Variants in GRAMD2B observed in about 807,000 individuals in gnomAD.
GRAMD2B encodes GRAM domain-containing protein 2B.
A neutral mutation model predicts 59.2 loss-of-function variants in GRAMD2B; 41 were observed. That is an observed-to-expected ratio of 0.69 (90% confidence interval 0.54 to 0.90). GRAMD2B has a LOEUF of 0.90. GRAMD2B is among the 40% of genes least tolerant of loss of function. The probability of loss-of-function intolerance (pLI) is 0.00; values close to 1 mark genes in which losing one functional copy is unlikely to be tolerated. For synonymous variants in GRAMD2B, 161 were observed against 182.7 expected (o/e 0.88, Z 0.96); for missense variants, 424 against 500.5 (o/e 0.85, Z 1.46).
intron 1 of GRAMD2B, among the ~76,000 whole-genome samples, chr5:126,453,596 T>C (rs149504820): frequency 1.3e-5 from 2 of 152,234 alleles, no homozygotes; most frequent in Non-Finnish European, 2.9e-5. Flanking sequence ...CCTTGCTGCA[T>C]TTTACAATTT....
At chr5:126,391,319 CAAA>C (rs61181985) in intron 1 of GRAMD2B, among the ~76,000 whole-genome samples, 9 of 76,350 alleles carry the variant, frequency 1.2e-4, no homozygotes, top group Middle Eastern at 5.7e-3. Flanking sequence ...GACTCCATCT[CAAA>C]AAAAAAAAAA....
chr5:126,378,890 T>C (rs1449013332), intron 1 of GRAMD2B, among the ~76,000 whole-genome samples: 1 of 152,210 alleles, frequency 6.6e-6, no homozygotes, highest in African/African-American at 2.4e-5. Flanking sequence ...CAATTACCCA[T>C]TCTGAAATAT....
intron 1 of GRAMD2B, among the ~76,000 whole-genome samples, chr5:126,361,745 C>G (rs1234959053): frequency 6.6e-6 from 1 of 152,166 alleles, no homozygotes; most frequent in African/African-American, 2.4e-5. Context: ...TTCACAGGTG[C>G]TTTGGGCAGA....
chr5:126,423,714 T>A (rs761869855), intron 1 of GRAMD2B, 25 bp downstream of exon 1: 1 of 1,585,238 alleles, frequency 6.3e-7, no homozygotes, highest in Admixed American at 1.8e-5. Flanking sequence ...CTGGGACCCA[T>A]CCAAGGAGGT....
At chr5:126,469,293 G>A (rs1038581059) in intron 2 of GRAMD2B, among the ~76,000 whole-genome samples, 20 of 152,074 alleles carry the variant, frequency 1.3e-4, no homozygotes, top group African/African-American at 4.3e-4. Context: ...CAAATGTCAG[G>A]TTTTCTTAGA....
At chr5:126,387,525 T>C (rs1387083666) in intron 1 of GRAMD2B, among the ~76,000 whole-genome samples, 1 of 151,122 alleles carries the variant, frequency 6.6e-6, no homozygotes. Flanking sequence ...TTCTCTCTTA[T>C]TGCTGCTATA....
intron 2 of GRAMD2B, chr5:126,467,598 T>A (rs926972962): frequency 6.6e-6 from 1 of 152,180 alleles, no homozygotes; most frequent in African/African-American, 2.4e-5. Flanking sequence ...TTAACATTTA[T>A]TAATGGGAAT....
chr5:126,396,086 T>C (rs1477373127), intron 1 of GRAMD2B, among the ~76,000 whole-genome samples: 1 of 152,200 alleles, frequency 6.6e-6, no homozygotes, highest in Non-Finnish European at 1.5e-5. Context: ...ATAAAAGCCA[T>C]CCTAACAGGT....
At chr5:126,491,455 T>G (rs531158361) in intron 13 of GRAMD2B, among the ~76,000 whole-genome samples, 4 of 152,210 alleles carry the variant, frequency 2.6e-5, no homozygotes, top group Non-Finnish European at 5.9e-5. Flanking sequence ...CACTGCTTAC[T>G]ACCCACATAA....
intron 2 of GRAMD2B, among the ~76,000 whole-genome samples, chr5:126,465,897 C>T (rs771807970): frequency 4.6e-5 from 7 of 152,054 alleles, no homozygotes; most frequent in Non-Finnish European, 7.4e-5. Flanking sequence ...TCCTAGGGGC[C>T]GTGAAAAAAA....
intron 10 of GRAMD2B, among the ~76,000 whole-genome samples, chr5:126,485,300 G>A (rs73338059): frequency 0.029 from 4,384 of 152,160 alleles, 198 homozygotes; most frequent in African/African-American, 0.1. Context: ...GCAATGAGCT[G>A]TGATCACGCC....
At chr5:126,417,149 A>T (rs913336355) in intron 1 of GRAMD2B, among the ~76,000 whole-genome samples, 1 of 152,210 alleles carries the variant, frequency 6.6e-6, no homozygotes, top group African/African-American at 2.4e-5. Context: ...GCCCCTAGTG[A>T]GTTGGTATTC....
intron 4 of GRAMD2B, among the ~76,000 whole-genome samples, chr5:126,472,999 G>A (rs894490725): frequency 2.0e-5 from 3 of 152,222 alleles, no homozygotes; most frequent in African/African-American, 7.2e-5. Flanking sequence ...GAGGAGACTT[G>A]TAAGACCCCA....
intron 1 of GRAMD2B, among the ~76,000 whole-genome samples, chr5:126,402,533 G>A (rs1255035948): frequency 2.0e-5 from 3 of 151,964 alleles, no homozygotes; most frequent in Non-Finnish European, 4.4e-5. Flanking sequence ...TCTGAAGACT[G>A]GAACCACCTT....
chr5:126,406,041 G>A (rs1290014114), intron 1 of GRAMD2B, among the ~76,000 whole-genome samples: 2 of 151,866 alleles, frequency 1.3e-5, no homozygotes, highest in African/African-American at 4.8e-5. Flanking sequence ...TATTGTCAAA[G>A]ACTAAGGCAG....
chr5:126,380,632 A>G (rs769086753), intron 1 of GRAMD2B, among the ~76,000 whole-genome samples: 1 of 152,172 alleles, frequency 6.6e-6, no homozygotes, highest in Admixed American at 6.5e-5. Flanking sequence ...GGTTAGTTAT[A>G]TTCCTAAGTA....
chr5:126,463,509 T>C (rs58700526), intron 1 of GRAMD2B, among the ~76,000 whole-genome samples: 7,035 of 152,310 alleles, frequency 0.046, 563 homozygotes, highest in African/African-American at 0.16. Flanking sequence ...CCAATTATTA[T>C]TTTAAACCAA....
chr5:126,473,619 C>T (rs1026316613), intron 5 of GRAMD2B, among the ~76,000 whole-genome samples: 9 of 152,136 alleles, frequency 5.9e-5, no homozygotes, highest in Admixed American at 1.3e-4. Context: ...TACACATGTA[C>T]CTCACCCATA....
At chr5:126,425,564 T>A (rs1760469585) in intron 1 of GRAMD2B, among the ~76,000 whole-genome samples, 1 of 152,040 alleles carries the variant, frequency 6.6e-6, no homozygotes, top group Non-Finnish European at 1.5e-5. Flanking sequence ...CCCAGGAATT[T>A]AAAACCAGCC....
Sources: allele counts gnomAD v4.1 joint callset (sites outside exome capture counted in the v4.1 genomes callset), GRCh38; gene constraint gnomAD v4.1.1; transcripts MANE v1.5; gene names NCBI Gene and HGNC (gene_info 2026-07-23, HGNC 2026-07-21).